Variants in TTLL12 observed in about 807,000 individuals in gnomAD.
The protein encoded by TTLL12 is tubulin--tyrosine ligase-like protein 12.
TTLL12 carries 77 observed loss-of-function variants against 79.6 expected under a neutral mutation model. The observed-to-expected ratio is 0.97, with a 90% CI of 0.81 to 1.17. TTLL12 has a LOEUF of 1.17. Among genes scored for constraint, TTLL12 ranks in the 50% most tolerant of loss-of-function variants. The pLI, the probability that TTLL12 is intolerant of heterozygous loss-of-function variation, is 0.00. For synonymous variants in TTLL12, 437 were observed against 376.1 expected (o/e 1.16, Z -1.87); for missense variants, 969 against 895.9 (o/e 1.08, Z -1.04).
chr22:43,180,524 C>T (rs890904840), intron 3 of TTLL12, among the ~76,000 whole-genome samples: 23 of 152,268 alleles, frequency 1.5e-4, no homozygotes, highest in African/African-American at 5.3e-4. Context: ...GCTGAGTCAT[C>T]TGGGCCCCTT....
At chr22:43,184,911 G>A (rs1932141269) in intron 1 of TTLL12, among the ~76,000 whole-genome samples, 1 of 152,156 alleles carries the variant, frequency 6.6e-6, no homozygotes, top group African/African-American at 2.4e-5. Flanking sequence ...GGAAGCTTGT[G>A]CAGACAGAAG....
At chr22:43,180,966 G>T in intron 2 of TTLL12, 26 bp from the exon 3 acceptor site, 1 of 1,600,630 alleles carries the variant, frequency 6.2e-7, no homozygotes, top group Non-Finnish European at 8.5e-7. Context: ...ACAATGTGAG[G>T]CTGCCGGGTG....
At chr22:43,176,224 T>C (rs1189750493) in intron 6 of TTLL12, 96 bp downstream of exon 6, 3 of 913,876 alleles carry the variant, frequency 3.3e-6, no homozygotes, top group Non-Finnish European at 5.3e-6. Context: ...GCGTGCCACG[T>C]GCCAAGCACT....
At chr22:43,174,686 G>T in intron 6 of TTLL12, 71 bp from the exon 7 acceptor site, 3 of 1,101,494 alleles carry the variant, frequency 2.7e-6, no homozygotes, top group Non-Finnish European at 3.9e-6. Flanking sequence ...ACTAGCCCTG[G>T]CTCAGGGACT....
chr22:43,175,214 G>A (rs1461790958), intron 6 of TTLL12: 1 of 152,406 alleles, frequency 6.6e-6, no homozygotes, highest in Non-Finnish European at 1.5e-5. Context: ...GGGAGCCTCA[G>A]GGAGGGGCTC....
intron 1 of TTLL12, among the ~76,000 whole-genome samples, chr22:43,185,523 G>C (rs1932162023): frequency 6.6e-6 from 1 of 152,120 alleles, no homozygotes; most frequent in South Asian, 2.1e-4. Flanking sequence ...TAACGGCTGG[G>C]GAAGGGTCAC....
intron 1 of TTLL12, among the ~76,000 whole-genome samples, chr22:43,185,250 TATATATATA>T (rs1932151183): frequency 3.0e-3 from 1 of 334 alleles, no homozygotes; most frequent in Non-Finnish European, 6.8e-3. Flanking sequence ...AAAAAAATTA[TATATATATA>T]TATATATATA....
rs896512510 is a variant in TTLL12 at position 43,167,513 on chromosome 22, C to T, written c.*495G>A. On this transcript the variant is annotated 3_prime_UTR_variant, in exon 14 of 14. Transcript: ENST00000216129. ...GTGCAGTGTGGGGCCCCACAGCCGT[C>T]CCGGGGTCGTCCTGATGCATAAGAG... 1 of 210,988 alleles carries T rather than the reference C, an allele frequency of 4.7e-6. No homozygotes were observed. Among genetic ancestry groups the T allele is most frequent in the Non-Finnish European group, 9.8e-6 (1 of 102,550 alleles). 13.1% of individuals were successfully genotyped at this position (210,988 alleles called of 1,614,324 possible).
chr22:43,178,567 C>T (rs969999849), intron 5 of TTLL12, among the ~76,000 whole-genome samples: 14 of 152,102 alleles, frequency 9.2e-5, no homozygotes, highest in Admixed American at 2.6e-4. Flanking sequence ...GTGATCCGCC[C>T]GCCTCAGCCT....
intron 12 of TTLL12, 111 bp downstream of exon 12, chr22:43,169,389 C>A: frequency 1.0e-6 from 1 of 964,968 alleles, no homozygotes; most frequent in African/African-American, 1.6e-5. Flanking sequence ...CTGCAGGGGA[C>A]AAAGGTCCCT....
Position 43,176,894 on chromosome 22 carries a change from C to T in TTLL12, c.841-498G>A, listed in dbSNP as rs12169922. 3.5e-3 allele frequency among the ~76,000 whole-genome samples: 540 copies of T among 152,230 alleles called. 4 individuals are homozygous for T. Among genetic ancestry groups the T allele is most frequent in the African/African-American group, 0.013 (525 of 41,546 alleles). ...CCCAGGATTCTGGGGCTCCAGGCCC[C>T]TCGGATGCCGAACAGTCCTAGTTTG... On this transcript the variant is annotated intron_variant, in intron 5 of 13. Coordinates refer to ENST00000216129, the MANE Select transcript of TTLL12 (RefSeq NM_015140.4).
rs960664814 is a variant in TTLL12 at position 43,167,347 on chromosome 22, C to G, written c.*661G>C. 6.0e-6 allele frequency: 2 copies of G among 335,256 alleles called. No homozygotes were observed. Among genetic ancestry groups the G allele is most frequent in the African/African-American group, 4.3e-5 (2 of 46,186 alleles). The allele number at this position is 335,256 out of a possible 1,614,324, so 20.8% of individuals were successfully genotyped here. A position where few individuals can be genotyped will look rare whatever the true frequency, so the allele number is the denominator to read the frequency against. ...TCAGCAAACGAAAAGGAAACGGTAA[C>G]AAGACGGTGGCCTCCTGCCAGGACC... On this transcript the variant is annotated 3_prime_UTR_variant, in exon 14 of 14. Coordinates refer to ENST00000216129, the MANE Select transcript of TTLL12 (RefSeq NM_015140.4).
intron 5 of TTLL12, among the ~76,000 whole-genome samples, chr22:43,176,985 C>T (rs567355829): frequency 7.2e-5 from 11 of 152,268 alleles, no homozygotes; most frequent in African/African-American, 2.4e-4. Flanking sequence ...TCGCAGGGGG[C>T]GAGAAGGTGC....
In TTLL12 at chr22:43,168,817, C is replaced by T. The variant is rs776205052; in HGVS notation, c.1740G>A (p.Met580Ile). The change falls in exon 13 of 14, where the codon ATG becomes ATA. Residue 580 changes from methionine (M) to isoleucine (I), a missense_variant. Physicochemically the swap from Met to Ile is conservative, Grantham distance 10. Transcript: ENST00000216129. ...ACTTCAGCATGAGGTCGACGGCATACATGGCCCGGGATGAGGGGTAGTCGC... is the reference window on the plus strand; with the variant it reads ...ACTTCAGCATGAGGTCGACGGCATATATGGCCCGGGATGAGGGGTAGTCGC... The part of the protein sequence containing the change: ...GLCDYPSSRA[M>I]YAVDLMLKWD... The T allele has an allele frequency of 6.3e-7, 1 of 1,586,900 alleles. No individual in the cohort carries two copies. Among genetic ancestry groups the T allele is most frequent in the East Asian group, 2.3e-5 (1 of 43,376 alleles).
intron 8 of TTLL12, 69 bp from the exon 9 acceptor site, chr22:43,173,895 C>T (rs1931830629): frequency 6.9e-7 from 1 of 1,443,804 alleles, no homozygotes; most frequent in African/African-American, 1.4e-5. Context: ...ACCCCAGGAC[C>T]CAGAGGCAGA....
At chr22:43,178,087 C>T (rs965868524) in intron 5 of TTLL12, among the ~76,000 whole-genome samples, 3 of 152,180 alleles carry the variant, frequency 2.0e-5, no homozygotes, top group Admixed American at 1.3e-4. Flanking sequence ...GTTGCATCCA[C>T]GAAGGCATTC....
chr22:43,173,964 G>T, intron 8 of TTLL12, 138 bp from the exon 9 acceptor site: 1 of 933,398 alleles, frequency 1.1e-6, no homozygotes, highest in Non-Finnish European at 1.6e-6. Context: ...GTCAGAGGCA[G>T]GGGCATGGGA....
At position 43,179,930 on chromosome 22, in the gene TTLL12, A is replaced by G. The variant is rs538558581; in HGVS notation, c.617T>C (p.Val206Ala). The G allele has an allele frequency of 6.2e-7, 1 of 1,610,944 alleles. No individual in the cohort carries two copies. Among genetic ancestry groups the G allele is most frequent in the Non-Finnish European group, 8.5e-7 (1 of 1,179,938 alleles). Residue 206 changes from valine (V) to alanine (A), a missense_variant, in exon 4 of 14, where the codon GTG becomes GCG. Physicochemically the swap from Val to Ala is moderately conservative, Grantham distance 64. Coordinates refer to ENST00000216129, the MANE Select transcript of TTLL12 (RefSeq NM_015140.4). The part of the protein sequence containing the change: ...EFGSRIQHAD[V>A]PSFATAPFFY... ...GAAGGGTGCCGTGGCGAAGCTGGGC[A>G]CGTCCGCGTGCTGGATCCGCGAACC... is the stretch of plus-strand genomic sequence containing the variant.
rs1031583908 is a variant in TTLL12, at chr22:43,170,317, A to C, written c.1576-749T>G. On this transcript the variant is annotated intron_variant, in intron 11 of 13. Coordinates refer to ENST00000216129, the MANE Select transcript of TTLL12 (RefSeq NM_015140.4). ...GGAGTAGGCTTCAACACAGGCAAGG[A>C]TAAGACAGACAGAAGCAACAGGACC... 3 of 219,662 alleles carry C rather than the reference A, an allele frequency of 1.4e-5. No individual in the cohort carries two copies. In the Admixed American group the frequency reaches 1.6e-4, roughly 11 times the overall value. 13.6% of individuals were successfully genotyped at this position (219,662 alleles called of 1,614,324 possible). A position where few individuals can be genotyped will look rare whatever the true frequency, so the allele number is the denominator to read the frequency against.
Sources: allele counts gnomAD v4.1 joint callset (sites outside exome capture counted in the v4.1 genomes callset), GRCh38; gene constraint gnomAD v4.1.1; transcripts MANE v1.5; gene names NCBI Gene and HGNC (gene_info 2026-07-23, HGNC 2026-07-21).